TBX1: variants seen among roughly 807,000 people sequenced by gnomAD.
TBX1 encodes T-box transcription factor 1.
In TBX1, 16 loss-of-function variants were observed where a neutral mutation model predicts 40.8. That is an observed-to-expected ratio of 0.39 (90% CI 0.27 to 0.60). The LOEUF (loss-of-function observed/expected upper bound fraction) is 0.60. Among genes scored for constraint, TBX1 ranks in the 20% least tolerant of loss-of-function variants. The probability of loss-of-function intolerance (pLI) is 0.51; values close to 1 mark genes in which losing one functional copy is unlikely to be tolerated. For missense variants in TBX1, 755 were observed against 728.5 expected, an observed-to-expected ratio of 1.04 and a Z score of -0.42; for synonymous variants, 403 against 336.8, an observed-to-expected ratio of 1.20 and a Z score of -2.15.
chr22:19,775,997 G>A (rs1270370316), intron 8 of TBX1, among the ~76,000 whole-genome samples: 1 of 152,172 alleles, frequency 6.6e-6, no homozygotes, highest in Admixed American at 6.5e-5. Context: ...CATCCCTGGA[G>A]GTGGCCCCTC....
chr22:19,767,201 C>G lies in TBX1; in HGVS notation c.*334C>G. 1 of 1,097,474 alleles carries G rather than the reference C, an allele frequency of 9.1e-7. No homozygotes were observed. The highest frequency in any genetic ancestry group is 4.0e-4 in the Middle Eastern group (1 of 2,514). 68.0% of individuals were successfully genotyped at this position (1,097,474 alleles called of 1,614,324 possible). On this transcript the variant is annotated 3_prime_UTR_variant, in exon 7 of 7. Coordinates refer to ENST00000649276, the MANE Select transcript of TBX1 (RefSeq NM_001379200.1). ...GTTCTCCCCGAGACCGCGTCGCCCG[C>G]GGCCCGGCCGGCAGTTGCAGTGTAG...
chr22:19,773,298 G>A (rs1937018414), intron 8 of TBX1, among the ~76,000 whole-genome samples: 1 of 152,332 alleles, frequency 6.6e-6, no homozygotes, highest in Admixed American at 6.5e-5. Flanking sequence ...GACAAGAGCT[G>A]CTGCTCAGGC....
chr22:19,782,773 C>T, downstream of TBX1: 1 of 1,475,288 alleles, frequency 6.8e-7, no homozygotes, highest in African/African-American at 1.4e-5. Flanking sequence ...TTCCCTGTTT[C>T]TGGGGCCTCA....
chr22:19,757,076 G>A (rs925961894), upstream of TBX1, among the ~76,000 whole-genome samples: 3 of 152,206 alleles, frequency 2.0e-5, no homozygotes, highest in Admixed American at 2.0e-4. Context: ...TTAGCCGAGG[G>A]CTCCTGGAGG....
chr22:19,776,929 A>G (rs1937074110), intron 8 of TBX1, among the ~76,000 whole-genome samples: 1 of 151,952 alleles, frequency 6.6e-6, no homozygotes, highest in Non-Finnish European at 1.5e-5. Flanking sequence ...AGTACAGAAC[A>G]CAGATCAGCC....
chr22:19,777,921 G>A (rs1048261218), intron 8 of TBX1, among the ~76,000 whole-genome samples: 5 of 151,704 alleles, frequency 3.3e-5, no homozygotes, highest in African/African-American at 4.8e-5. Context: ...CACCATGCCC[G>A]GCTAATTTTT....
At chr22:19,770,198 A>C (rs1411409198), downstream of TBX1, among the ~76,000 whole-genome samples, 1 of 152,184 alleles carries the variant, frequency 6.6e-6, no homozygotes, top group Non-Finnish European at 1.5e-5. Flanking sequence ...AGAGACCAGA[A>C]GGGCCCCCAG....
At chr22:19,757,468 C>G (rs1264392081), upstream of TBX1, among the ~76,000 whole-genome samples, 7 of 152,202 alleles carry the variant, frequency 4.6e-5, no homozygotes. Flanking sequence ...GCCTCACCCA[C>G]AGGCCCCACA....
chr22:19,758,119 C>T (rs77664736), upstream of TBX1, among the ~76,000 whole-genome samples: 7 of 152,348 alleles, frequency 4.6e-5, no homozygotes, highest in East Asian at 1.4e-3. Context: ...CAGCCCGTTA[C>T]TGGGCCTTCC....
chr22:19,766,734 C>T lies in TBX1; in HGVS notation c.1382C>T (p.Pro461Leu), dbSNP rs1936867566. 2 of 1,542,676 alleles carry T rather than the reference C, an allele frequency of 1.3e-6. No homozygotes were observed. Among genetic ancestry groups the T allele is most frequent in the Non-Finnish European group, 1.7e-6 (2 of 1,154,284 alleles). ...CACGGCTACCACCCGCACGCGCATC[C>T]GCACCACCACCACCACCCCGTGAGT... ...RGHGYHPHAH[P>L]HHHHHPVSPA... The change falls in exon 7 of 7, where the codon CCG becomes CTG. Residue 461 changes from proline to leucine, a missense_variant. Physicochemically the swap from Pro to Leu is moderately conservative, Grantham distance 98. Around this residue, in one of 3 missense-constraint regions of TBX1, gnomAD observed 412 missense variants for 317.6 expected, o/e 1.30. Coordinates refer to ENST00000649276, the MANE Select transcript of TBX1 (RefSeq NM_001379200.1).
chr22:19,773,459 C>T (rs891690954), intron 8 of TBX1, among the ~76,000 whole-genome samples: 1 of 152,192 alleles, frequency 6.6e-6, no homozygotes, highest in Non-Finnish European at 1.5e-5. Flanking sequence ...GGCACCCTAG[C>T]ACCCCACGGA....
At chr22:19,779,018 T>C (rs1165132475) in intron 8 of TBX1, among the ~76,000 whole-genome samples, 1 of 152,210 alleles carries the variant, frequency 6.6e-6, no homozygotes, top group East Asian at 1.9e-4. Context: ...TGTGCTGGGC[T>C]GAGGTGGGAC....
chr22:19,772,050 T>C (rs1055940697), downstream of TBX1, among the ~76,000 whole-genome samples: 5 of 152,222 alleles, frequency 3.3e-5, no homozygotes, highest in African/African-American at 1.2e-4. Context: ...TCCCTAGTCT[T>C]CCCCATCTCC....
intron 8 of TBX1, among the ~76,000 whole-genome samples, chr22:19,776,218 G>A (rs562501828): frequency 9.9e-5 from 15 of 152,072 alleles, no homozygotes; most frequent in East Asian, 1.9e-4. Context: ...GTGTCTGCCC[G>A]TGGTCTCCCT....
At chr22:19,779,228 G>A in exon 9 of TBX1, 2 of 1,614,222 alleles carry the variant, frequency 1.2e-6, no homozygotes, top group East Asian at 2.2e-5. Context: ...AGGTGGACAT[G>A]TCCTGAAGGA....
downstream of TBX1, chr22:19,779,592 T>C (rs914881829): frequency 7.1e-7 from 1 of 1,401,142 alleles, no homozygotes; most frequent in Non-Finnish European, 9.4e-7. Flanking sequence ...TCAAAACTTG[T>C]TGGATAAAAC....
chr22:19,763,179 A>T, intron 1 of TBX1, 62 bp from the exon 2 acceptor site: 1 of 1,399,654 alleles, frequency 7.1e-7, no homozygotes, highest in Non-Finnish European at 1.0e-6. Context: ...CGCCAGCCCC[A>T]GGCAGGTCAA....
At position 19,767,066 on chromosome 22, in the gene TBX1, C is replaced by T; in HGVS notation, c.*199C>T. 7.8e-7 allele frequency: 1 copy of T among 1,286,958 alleles called. No homozygotes were observed. Among genetic ancestry groups the T allele is most frequent in the Non-Finnish European group, 9.8e-7 (1 of 1,020,258 alleles). The allele number at this position is 1,286,958 out of a possible 1,614,324, so 79.7% of individuals were successfully genotyped here. Reference sequence around the variant, plus strand: ...CTTGGGCTATCGAAGTATCCGGTTCCCCAGTCCCTGGAGCCACCGCGGGTC... The same window carrying T: ...CTTGGGCTATCGAAGTATCCGGTTCTCCAGTCCCTGGAGCCACCGCGGGTC... On this transcript the variant is annotated 3_prime_UTR_variant, in exon 7 of 7. Transcript: ENST00000649276.
At position 19,763,132 on chromosome 22, in the gene TBX1, C is replaced by G; in HGVS notation, c.438-109C>G. On this transcript the variant is annotated intron_variant, in intron 1 of 6. Transcript: ENST00000649276. ...CCCAAGGGCTGGGACGACACAGCAGCCCCCAGAGGCTGGAGGGAGGGGCCG... is the reference window on the plus strand; with the variant it reads ...CCCAAGGGCTGGGACGACACAGCAGGCCCCAGAGGCTGGAGGGAGGGGCCG... 3 of 835,552 alleles carry G rather than the reference C, an allele frequency of 3.6e-6. No individual in the cohort carries two copies. The South Asian group carries it at 4.2e-5, about 12-fold the overall frequency. The allele number at this position is 835,552 out of a possible 1,614,324, so 51.8% of individuals were successfully genotyped here. A position where few individuals can be genotyped will look rare whatever the true frequency, so the allele number is the denominator to read the frequency against.
Sources: gnomAD v4.1 joint callset for allele counts (sites outside exome capture counted in the v4.1 genomes callset) on GRCh38, gnomAD v4.1.1 for gene constraint, gnomAD v4.1.1 regional missense constraint, MANE v1.5 for transcripts, NCBI Gene and HGNC (gene_info 2026-07-23, HGNC 2026-07-21) for gene names.